Variants in MAGI2 observed in about 807,000 individuals in gnomAD.
MAGI2 encodes the protein membrane associated guanylate kinase, WW and PDZ domain containing 2.
A neutral mutation model predicts 133.3 loss-of-function variants in MAGI2; 35 were observed. That is an observed-to-expected ratio of 0.26 (90% CI 0.20 to 0.35). The LOEUF (loss-of-function observed/expected upper bound fraction) is 0.35, where lower values mean the gene tolerates loss of function less well. MAGI2 is among the 10% of genes least tolerant of loss of function. MAGI2 has a pLI of 1.00. For missense variants in MAGI2, 1,636 were observed against 1,863.4 expected, an observed-to-expected ratio of 0.88 and a Z score of 2.25; for synonymous variants, 729 against 710.6, an observed-to-expected ratio of 1.03 and a Z score of -0.41.
At chr7:78,999,266 G>A (rs190114211) in intron 2 of MAGI2, among the ~76,000 whole-genome samples, 7 of 151,354 alleles carry the variant, frequency 4.6e-5, no homozygotes, top group Non-Finnish European at 8.8e-5. Context: ...ATGTGGTTGC[G>A]AAGATCAGTA....
In MAGI2 at chr7:78,160,006, G is replaced by T. The variant is rs753614858; in HGVS notation, c.2845+19C>A. On this transcript the variant is annotated intron_variant, in intron 16 of 21. Transcript: ENST00000354212. ...AAACAAGACCCCTTATTCAAATGCA[G>T]GCAAATTTCAGCACTTACTTATAGT... The T allele has an allele frequency of 6.5e-7, 1 of 1,530,710 alleles. No homozygotes were observed. Among genetic ancestry groups the T allele is most frequent in the Admixed American group, 2.0e-5 (1 of 49,146 alleles). 94.8% of individuals were successfully genotyped at this position (1,530,710 alleles called of 1,614,324 possible).
intron 2 of MAGI2, among the ~76,000 whole-genome samples, chr7:78,778,577 A>T (rs2151334324): frequency 6.6e-6 from 1 of 152,346 alleles, no homozygotes; most frequent in East Asian, 1.9e-4. Flanking sequence ...TGAATTAACC[A>T]AGCATATTCC....
chr7:78,207,951 A>G (rs1436159981), intron 10 of MAGI2, among the ~76,000 whole-genome samples: 1 of 151,838 alleles, frequency 6.6e-6, no homozygotes, highest in Non-Finnish European at 1.5e-5. Context: ...GCTCACTGTA[A>G]CCTCCGCCTC....
At chr7:78,814,041 A>G (rs375623421) in intron 2 of MAGI2, among the ~76,000 whole-genome samples, 14 of 152,180 alleles carry the variant, frequency 9.2e-5, no homozygotes, top group East Asian at 3.9e-4. Context: ...AATGAAATCA[A>G]TAAGTTTTCT....
At chr7:78,725,748 G>A (rs1197109411) in intron 2 of MAGI2, among the ~76,000 whole-genome samples, 2 of 152,298 alleles carry the variant, frequency 1.3e-5, no homozygotes, top group Admixed American at 6.5e-5. Context: ...GCAGTGAGCC[G>A]AGATTGCGCC....
chr7:78,086,381 G>A (rs1368647356), intron 20 of MAGI2, among the ~76,000 whole-genome samples: 1 of 151,604 alleles, frequency 6.6e-6, no homozygotes. Flanking sequence ...GGGATTACAG[G>A]CGCACTCCAC....
At chr7:78,185,510 G>A in intron 13 of MAGI2, 119 bp downstream of exon 13, 1 of 681,378 alleles carries the variant, frequency 1.5e-6, no homozygotes, top group Non-Finnish European at 2.3e-6. Flanking sequence ...GTTTTATGTA[G>A]GTGACTAAAG....
At chr7:79,276,592 G>A (rs1835243672) in intron 1 of MAGI2, among the ~76,000 whole-genome samples, 1 of 152,154 alleles carries the variant, frequency 6.6e-6, no homozygotes, top group African/African-American at 2.4e-5. Context: ...TCTTATGAAG[G>A]AGCAAAGAAA....
intron 9 of MAGI2, among the ~76,000 whole-genome samples, chr7:78,294,827 T>C (rs983078315): frequency 2.0e-5 from 3 of 152,114 alleles, no homozygotes; most frequent in African/African-American, 4.8e-5. Context: ...GTTGCACTTG[T>C]AAGGCTGAAT....
intron 5 of MAGI2, among the ~76,000 whole-genome samples, chr7:78,490,983 G>A (rs768009201): frequency 3.3e-5 from 5 of 152,018 alleles, no homozygotes; most frequent in Non-Finnish European, 7.4e-5. Context: ...AGAAATCAGA[G>A]CCAGGTAATA....
At chr7:78,065,038 C>A (rs927932930) in intron 21 of MAGI2, among the ~76,000 whole-genome samples, 2 of 151,822 alleles carry the variant, frequency 1.3e-5, no homozygotes, top group East Asian at 3.9e-4. Context: ...AAACTTGGTG[C>A]ATCACTGAGT....
intron 2 of MAGI2, among the ~76,000 whole-genome samples, chr7:78,866,653 C>T (rs2151512111): frequency 6.6e-6 from 1 of 151,992 alleles, no homozygotes; most frequent in South Asian, 2.1e-4. Flanking sequence ...ATTTGAGGGA[C>T]TGAGGTCAAA....
chr7:78,892,573 C>G (rs1191302485), intron 2 of MAGI2, among the ~76,000 whole-genome samples: 2 of 152,194 alleles, frequency 1.3e-5, no homozygotes, highest in African/African-American at 2.4e-5. Context: ...AGAAATAATG[C>G]TGCATACCTA....
At chr7:79,187,630 G>C (rs1388184714) in intron 1 of MAGI2, among the ~76,000 whole-genome samples, 2 of 151,846 alleles carry the variant, frequency 1.3e-5, no homozygotes, top group Non-Finnish European at 2.9e-5. Context: ...GCTGATAGTA[G>C]ATCTGAATTG....
chr7:79,153,133 A>C (rs1027355517), intron 1 of MAGI2, among the ~76,000 whole-genome samples: 1 of 152,230 alleles, frequency 6.6e-6, no homozygotes, highest in Admixed American at 6.5e-5. Context: ...TGAAAGGGAC[A>C]TCAATAAACT....
At chr7:79,023,664 A>C (rs1306261730) in intron 1 of MAGI2, among the ~76,000 whole-genome samples, 6 of 152,150 alleles carry the variant, frequency 3.9e-5, no homozygotes, top group Admixed American at 3.9e-4. Context: ...AATGTACAAA[A>C]ATCAGTAGCA....
At position 78,019,725 on chromosome 7, in the gene MAGI2, G is replaced by A; in HGVS notation, c.3958C>T (p.Pro1320Ser). 1.2e-6 allele frequency: 2 copies of A among 1,605,858 alleles called. No homozygotes were observed. The highest frequency in any genetic ancestry group is 1.7e-6 in the Non-Finnish European group (2 of 1,178,396). Residue 1320 changes from proline to serine, a missense_variant, in exon 22 of 22, where the codon CCG (proline) becomes TCG (serine). Physicochemically the swap from Pro to Ser is moderately conservative, Grantham distance 74 (BLOSUM62 -1). This residue lies in a region of MAGI2 where 354 missense variants were observed against 298.7 expected (regional missense o/e 1.19). Coordinates refer to ENST00000354212, the MANE Select transcript of MAGI2 (RefSeq NM_012301.4). ...AGCCTCGGCCGCGCGGCCCTCTGCG[G>A]ACTCGCCGAGCGCTCCCTCTGCTCC... is the stretch of plus-strand genomic sequence containing the variant. ...LGEQRERSASPQRAARPRLEE... is the reference protein window; with the variant it reads ...LGEQRERSASSQRAARPRLEE...
At chr7:78,050,802 A>G (rs1811928064) in intron 21 of MAGI2, among the ~76,000 whole-genome samples, 1 of 152,082 alleles carries the variant, frequency 6.6e-6, no homozygotes, top group Non-Finnish European at 1.5e-5. Flanking sequence ...GGACTTTCTT[A>G]ATGAAACAGC....
chr7:78,294,748 G>A (rs1371952854), intron 9 of MAGI2, among the ~76,000 whole-genome samples: 1 of 152,046 alleles, frequency 6.6e-6, no homozygotes, highest in African/African-American at 2.4e-5. Context: ...TCGGTACTAC[G>A]CTAAGTACGA....
Sources: gnomAD v4.1 joint callset for allele counts (sites outside exome capture counted in the v4.1 genomes callset) on GRCh38, gnomAD v4.1.1 for gene constraint, gnomAD v4.1.1 regional missense constraint, MANE v1.5 for transcripts, NCBI Gene and HGNC (gene_info 2026-07-23, HGNC 2026-07-21) for gene names.